The following PDE8B variants were observed in gnomAD, a reference collection of about 807,000 sequenced individuals.
PDE8B encodes high affinity cAMP-specific and IBMX-insensitive 3',5'-cyclic phosphodiesterase 8B.
Under a neutral mutation model 101.3 loss-of-function variants are expected in PDE8B, and 26 were observed. The observed-to-expected ratio is 0.26, with a 90% CI of 0.19 to 0.36. The LOEUF (loss-of-function observed/expected upper bound fraction) is 0.36, where lower values mean the gene tolerates loss of function less well. Ranked by LOEUF, PDE8B falls within the 10% of genes least tolerant of loss-of-function variation. The pLI is 1.00. For synonymous variants in PDE8B, 424 were observed against 429.3 expected (o/e 0.99, Z 0.15); for missense variants, 810 against 1,163.1 (o/e 0.70, Z 4.42).
chr5:77,411,624 G>T, intron 14 of PDE8B, 52 bp from the exon 15 acceptor site: 1 of 1,397,892 alleles, frequency 7.2e-7, no homozygotes, highest in Non-Finnish European at 1.0e-6. Flanking sequence ...AAAAAAAAGA[G>T]AATGATAATA....
chr5:77,214,955 C>T (rs147158394), intron 1 of PDE8B, among the ~76,000 whole-genome samples: 1 of 152,250 alleles, frequency 6.6e-6, no homozygotes, highest in African/African-American at 2.4e-5. Flanking sequence ...GTTGACCAGG[C>T]GAATGAGGTG....
At chr5:77,426,321 T>C (rs1047731412) in intron 21 of PDE8B, 124 bp from the exon 22 acceptor site, 8 of 719,408 alleles carry the variant, frequency 1.1e-5, no homozygotes, top group Non-Finnish European at 2.0e-5. Context: ...CTTGTCCTCA[T>C]GCTTCGCCCA....
chr5:77,112,965 T>G, the PDE8B span: 10 of 152,226 alleles, frequency 6.6e-5, no homozygotes, highest in African/African-American at 2.4e-4. Flanking sequence ...AAAAAGGATG[T>G]GACGGACTTC....
At chr5:77,183,962 A>G in the PDE8B span, among the ~76,000 whole-genome samples, 14 of 146,212 alleles carry the variant, frequency 9.6e-5, no homozygotes, top group Admixed American at 2.7e-4. Context: ...TACTATTTAA[A>G]TACATACTTT....
At chr5:77,125,792 G>C in the PDE8B span, among the ~76,000 whole-genome samples, 1 of 152,166 alleles carries the variant, frequency 6.6e-6, no homozygotes, top group Non-Finnish European at 1.5e-5. Context: ...GAGGTTTCCA[G>C]GGTCTGGGGG....
intron 4 of PDE8B, among the ~76,000 whole-genome samples, chr5:77,331,093 G>A (rs1561537173): frequency 2.0e-5 from 3 of 152,166 alleles, no homozygotes; most frequent in Non-Finnish European, 4.4e-5. Context: ...TCCCTTTATG[G>A]GACTGCTCCC....
Position 77,407,230 on chromosome 5 carries a change from C to T in PDE8B, c.1289-151C>T, listed in dbSNP as rs2151058143. The T allele has an allele frequency of 7.0e-6, 5 of 714,016 alleles. No individual in the cohort carries two copies. In the East Asian group the frequency reaches 1.1e-4, roughly 15 times the overall value. The allele number at this position is 714,016 out of a possible 1,614,324, so 44.2% of individuals were successfully genotyped here. Reference sequence around the variant, plus strand: ...AGGCAAGTAGCAGTTGGGCTACCAGCCTTGGCAGAAGAGATGGGTGAATTC... The same window carrying T: ...AGGCAAGTAGCAGTTGGGCTACCAGTCTTGGCAGAAGAGATGGGTGAATTC... On this transcript the variant is annotated intron_variant, in intron 12 of 21. Coordinates refer to ENST00000264917, the MANE Select transcript of PDE8B (RefSeq NM_003719.5).
intron 1 of PDE8B, among the ~76,000 whole-genome samples, chr5:77,290,113 G>T (rs1201115288): frequency 6.6e-6 from 1 of 152,226 alleles, no homozygotes; most frequent in African/African-American, 2.4e-5. Flanking sequence ...TCTCCAAGGG[G>T]TAAGTATTAT....
Position 77,423,019 on chromosome 5 carries a change from C to T in PDE8B, c.2418+1031C>T, listed in dbSNP as rs574640648. On this transcript the variant is annotated intron_variant, in intron 20 of 21. Transcript: ENST00000264917. ...AGTTTTTCAACCCTTGCCCCCTTCC[C>T]TCCTTTTGAAGTCTCCAGTGTCTAC... is the stretch of plus-strand genomic sequence containing the variant. Among the ~76,000 whole-genome samples the T allele has an allele frequency of 2.0e-5, 3 of 152,182 alleles. No homozygotes were observed. In the South Asian group the frequency reaches 6.2e-4, roughly 32 times the overall value.
At chr5:77,223,366 T>C (rs1251671079) in intron 1 of PDE8B, among the ~76,000 whole-genome samples, 2 of 143,726 alleles carry the variant, frequency 1.4e-5, no homozygotes, top group Admixed American at 6.9e-5. Flanking sequence ...GTATATCTCC[T>C]AATGCTATCC....
At chr5:77,267,439 CAA>C (rs1237992036) in intron 1 of PDE8B, among the ~76,000 whole-genome samples, 11 of 98,138 alleles carry the variant, frequency 1.1e-4, no homozygotes, top group South Asian at 3.4e-4. Flanking sequence ...GACTCCATCT[CAA>C]AAAAAAAAAA....
rs75482482 is a variant in PDE8B at position 77,301,337 on chromosome 5, G to A, written c.340-10657G>A. Reference sequence around the variant, plus strand: ...CTCTAAAACTCATTTTTAGCAGGTGGTTTCTGTTTCTTTGCCCATCAAATC... The same window carrying A: ...CTCTAAAACTCATTTTTAGCAGGTGATTTCTGTTTCTTTGCCCATCAAATC... On this transcript the variant is annotated intron_variant, in intron 1 of 21. Transcript: ENST00000264917. Among the ~76,000 whole-genome samples the A allele has an allele frequency of 2.7e-3, 417 of 152,272 alleles. 4 individuals carry two copies. Among genetic ancestry groups the A allele is most frequent in the African/African-American group, 9.5e-3 (396 of 41,554 alleles).
intron 20 of PDE8B, among the ~76,000 whole-genome samples, chr5:77,424,580 A>G (rs932905685): frequency 1.3e-5 from 2 of 152,214 alleles, no homozygotes; most frequent in Non-Finnish European, 2.9e-5. Context: ...TTTCCAGTGA[A>G]AATAATGGTC....
the PDE8B span, among the ~76,000 whole-genome samples, chr5:77,121,700 G>T: frequency 6.6e-6 from 1 of 152,096 alleles, no homozygotes; most frequent in Non-Finnish European, 1.5e-5. Context: ...TAGAGACGGG[G>T]TTTCACCATA....
At chr5:77,277,759 C>T (rs907777905) in intron 1 of PDE8B, among the ~76,000 whole-genome samples, 1 of 152,182 alleles carries the variant, frequency 6.6e-6, no homozygotes, top group African/African-American at 2.4e-5. Flanking sequence ...TCTCTCCTGT[C>T]TCTTTTATTC....
At chr5:77,165,831 T>G in the PDE8B span, among the ~76,000 whole-genome samples, 1 of 151,644 alleles carries the variant, frequency 6.6e-6, no homozygotes, top group African/African-American at 2.4e-5. Flanking sequence ...CATGGCAAAA[T>G]CCCATCTCTA....
chr5:77,118,499 A>G, the PDE8B span: 9 of 397,828 alleles, frequency 2.3e-5, no homozygotes, highest in Non-Finnish European at 3.1e-5. Context: ...AGGCCAGCCT[A>G]GGTCTTGTAT....
At chr5:77,115,995 A>C in the PDE8B span, among the ~76,000 whole-genome samples, 1 of 152,140 alleles carries the variant, frequency 6.6e-6, no homozygotes, top group Non-Finnish European at 1.5e-5. Flanking sequence ...CATATAAAGG[A>C]AGACAAATAT....
At chr5:77,290,446 A>C (rs780945686) in intron 1 of PDE8B, 29 of 1,452,506 alleles carry the variant, frequency 2.0e-5, no homozygotes, top group Non-Finnish European at 2.3e-5. Context: ...GTGGCAGACT[A>C]TGAAGAAACT....
Sources: allele counts gnomAD v4.1 joint callset (sites outside exome capture counted in the v4.1 genomes callset), GRCh38; gene constraint gnomAD v4.1.1; transcripts MANE v1.5; gene names NCBI Gene and HGNC (gene_info 2026-07-23, HGNC 2026-07-21).